The following GRIN2A variants were observed in gnomAD, a reference collection of about 807,000 sequenced individuals.
The protein encoded by GRIN2A is glutamate ionotropic receptor NMDA type subunit 2A, also known as glutamate receptor ionotropic, NMDA 2A.
Under a neutral mutation model 113.4 loss-of-function variants are expected in GRIN2A, and 22 were observed. The ratio of observed to expected loss-of-function variants is 0.19; its 90% CI spans 0.14 to 0.28. The LOEUF (loss-of-function observed/expected upper bound fraction) is 0.28, where lower values mean the gene tolerates loss of function less well. Ranked by LOEUF, GRIN2A falls within the 10% of genes least tolerant of loss-of-function variation. The probability of loss-of-function intolerance (pLI) is 1.00; values close to 1 mark genes in which losing one functional copy is unlikely to be tolerated. For synonymous variants in GRIN2A, 827 were observed against 738.4 expected (o/e 1.12, Z -1.94); for missense variants, 1,502 against 1,887.0 (o/e 0.80, Z 3.78).
chr16:9,817,049 A>G (rs2042199222), intron 10 of GRIN2A, among the ~76,000 whole-genome samples: 1 of 152,146 alleles, frequency 6.6e-6, no homozygotes, highest in African/African-American at 2.4e-5. Flanking sequence ...CTTTATCTCC[A>G]TTTATTATGA....
chr16:10,063,989 G>A (rs2047598263), intron 2 of GRIN2A, among the ~76,000 whole-genome samples: 1 of 152,138 alleles, frequency 6.6e-6, no homozygotes, highest in Admixed American at 6.5e-5. Context: ...GGGATTTTAT[G>A]TCTCAGCAGT....
At chr16:9,791,866 C>T (rs768449774) in intron 11 of GRIN2A, among the ~76,000 whole-genome samples, 12 of 152,102 alleles carry the variant, frequency 7.9e-5, no homozygotes, top group Non-Finnish European at 1.3e-4. Flanking sequence ...TCTCCATTGA[C>T]TTCCAAGGCT....
intron 2 of GRIN2A, among the ~76,000 whole-genome samples, chr16:9,946,663 G>A (rs536268996): frequency 7.6e-4 from 116 of 152,186 alleles, no homozygotes; most frequent in African/African-American, 2.7e-3. Context: ...TAATTAATTC[G>A]GGGGTGGAAC....
chr16:10,002,002 T>C (rs1596405653), intron 2 of GRIN2A, among the ~76,000 whole-genome samples: 1 of 152,224 alleles, frequency 6.6e-6, no homozygotes, highest in Non-Finnish European at 1.5e-5. Flanking sequence ...CCTGGCAGCA[T>C]TTTTCTAATA....
chr16:10,083,477 A>G (rs1051442444), intron 2 of GRIN2A, among the ~76,000 whole-genome samples: 24 of 152,250 alleles, frequency 1.6e-4, no homozygotes, highest in African/African-American at 5.8e-4. Context: ...TACCTGATGC[A>G]GTCAAGATAA....
At chr16:10,055,761 C>T (rs529445424) in intron 2 of GRIN2A, among the ~76,000 whole-genome samples, 33 of 152,334 alleles carry the variant, frequency 2.2e-4, no homozygotes, top group South Asian at 1.2e-3. Flanking sequence ...GGATCACCCA[C>T]GCTACATTTA....
chr16:9,961,170 A>C (rs1324093327), intron 2 of GRIN2A, among the ~76,000 whole-genome samples: 1 of 152,206 alleles, frequency 6.6e-6, no homozygotes, highest in Non-Finnish European at 1.5e-5. Flanking sequence ...ATTAAGCCTC[A>C]ACCATGTACC....
chr16:10,124,584 A>G (rs1013822663), intron 2 of GRIN2A, among the ~76,000 whole-genome samples: 1 of 152,192 alleles, frequency 6.6e-6, no homozygotes, highest in Non-Finnish European at 1.5e-5. Flanking sequence ...TATGGGGTAC[A>G]AGAGGTTTTT....
chr16:10,042,542 A>G (rs947670282), intron 2 of GRIN2A, among the ~76,000 whole-genome samples: 13 of 152,222 alleles, frequency 8.5e-5, no homozygotes, highest in Non-Finnish European at 1.5e-4. Context: ...ACCCTAGGCA[A>G]GAATCCCCCA....
At chr16:10,009,901 G>C (rs1444479947) in intron 2 of GRIN2A, among the ~76,000 whole-genome samples, 3 of 152,202 alleles carry the variant, frequency 2.0e-5, no homozygotes, top group African/African-American at 7.2e-5. Context: ...CAATGAACAA[G>C]AGGCAGAGAC....
intron 10 of GRIN2A, among the ~76,000 whole-genome samples, chr16:9,802,753 C>T (rs1314791172): frequency 6.6e-6 from 1 of 152,200 alleles, no homozygotes; most frequent in Non-Finnish European, 1.5e-5. Flanking sequence ...TGGAAATGCT[C>T]TGACACCATC....
intron 2 of GRIN2A, among the ~76,000 whole-genome samples, chr16:10,018,100 G>C (rs1489271632): frequency 6.6e-6 from 1 of 152,138 alleles, no homozygotes; most frequent in African/African-American, 2.4e-5. Context: ...GATGAGAGTA[G>C]TTACTTTTAC....
chr16:10,030,120 G>A lies in GRIN2A; in HGVS notation c.415-91569C>T, dbSNP rs146806198. On this transcript the variant is annotated intron_variant, in intron 2 of 12. Coordinates refer to ENST00000330684, the MANE Select transcript of GRIN2A (RefSeq NM_001134407.3). ...GCACGGGCTATGTGCAAGCTGGGCT[G>A]CCTATGGACAGGAAGGGATCATTTT... is the stretch of plus-strand genomic sequence containing the variant. 3.7e-3 allele frequency among the ~76,000 whole-genome samples: 564 copies of A among 152,238 alleles called. 2 individuals carry two copies. The highest frequency in any genetic ancestry group is 0.013 in the African/African-American group (531 of 41,546).
At chr16:10,142,188 GA>G (rs1722450149) in intron 2 of GRIN2A, among the ~76,000 whole-genome samples, 1 of 152,132 alleles carries the variant, frequency 6.6e-6, no homozygotes. Context: ...GAGCCACAGG[GA>G]AATGAGGAAA....
At chr16:10,101,940 G>C (rs77428777) in intron 2 of GRIN2A, among the ~76,000 whole-genome samples, 30,512 of 152,180 alleles carry the variant, frequency 0.2, 3,781 homozygotes, top group East Asian at 0.44. Context: ...GTGTAGGCAA[G>C]GGTGACAGGA....
chr16:9,907,131 T>C (rs575332120), intron 3 of GRIN2A, among the ~76,000 whole-genome samples: 2 of 152,334 alleles, frequency 1.3e-5, no homozygotes, highest in African/African-American at 4.8e-5. Context: ...CTTGTTTTTC[T>C]ATTCAGCCAT....
At chr16:9,916,429 T>G (rs1452741049) in intron 3 of GRIN2A, among the ~76,000 whole-genome samples, 1 of 152,186 alleles carries the variant, frequency 6.6e-6, no homozygotes, top group Admixed American at 6.5e-5. Flanking sequence ...CCGGCACGTA[T>G]AAATCGAGGT....
At chr16:9,783,193 A>G (rs1306411265) in intron 11 of GRIN2A, among the ~76,000 whole-genome samples, 1 of 152,204 alleles carries the variant, frequency 6.6e-6, no homozygotes, top group African/African-American at 2.4e-5. Context: ...TGGGAGCAAT[A>G]ATGAAATCCA....
Position 10,065,535 on chromosome 16 carries a change from G to A in GRIN2A, c.414+114463C>T, listed in dbSNP as rs555366985. Among the ~76,000 whole-genome samples, 7 of 152,282 alleles carry A rather than the reference G, an allele frequency of 4.6e-5. No individual in the cohort carries two copies. The South Asian group carries it at 1.2e-3, about 27-fold the overall frequency. On this transcript the variant is annotated intron_variant, in intron 2 of 12. Coordinates refer to ENST00000330684, the MANE Select transcript of GRIN2A (RefSeq NM_001134407.3). ...TAAATCTCTGTCATTTGCTCACTGTGTGACTTCAGGCAAGTTATTGAACCT... is the reference window on the plus strand; with the variant it reads ...TAAATCTCTGTCATTTGCTCACTGTATGACTTCAGGCAAGTTATTGAACCT...
Sources: gnomAD v4.1 joint callset for allele counts (sites outside exome capture counted in the v4.1 genomes callset) on GRCh38, gnomAD v4.1.1 for gene constraint, MANE v1.5 for transcripts, NCBI Gene and HGNC (gene_info 2026-07-23, HGNC 2026-07-21) for gene names.